FAAH2: variants seen among roughly 807,000 people sequenced by gnomAD.
FAAH2 encodes fatty acid amide hydrolase 2, also known as fatty-acid amide hydrolase 2.
FAAH2 carries 60 observed loss-of-function variants against 36.9 expected under a neutral mutation model. The ratio of observed to expected loss-of-function variants is 1.63; its 90% confidence interval spans 1.32 to 2.02. The LOEUF is 2.02. Ranked by LOEUF, FAAH2 falls within the 30% of genes most tolerant of loss-of-function variation. The probability of loss-of-function intolerance (pLI) is 0.00; values close to 1 mark genes in which losing one functional copy is unlikely to be tolerated. For synonymous variants in FAAH2, 214 were observed against 143.8 expected, an observed-to-expected ratio of 1.49 and a Z score of -3.49; for missense variants, 689 against 397.5, an observed-to-expected ratio of 1.73 and a Z score of -6.23.
intron 10 of FAAH2, among the ~76,000 whole-genome samples, chrX:57,467,774 A>G (rs1360946010): frequency 9.0e-6 from 1 of 111,682 alleles, no homozygotes; most frequent in East Asian, 2.8e-4. Flanking sequence ...GCACAGTTTG[A>G]GATCTGAAAA....
intron 7 of FAAH2, among the ~76,000 whole-genome samples, chrX:57,431,138 A>T (rs1328730118): frequency 9.0e-6 from 1 of 111,632 alleles, no homozygotes; most frequent in Non-Finnish European, 1.9e-5. Flanking sequence ...TGTTTCTTCC[A>T]CAATTATCCA....
chrX:57,444,995 T>G (rs1403229130), intron 8 of FAAH2, among the ~76,000 whole-genome samples: 1 of 111,772 alleles, frequency 8.9e-6, no homozygotes, highest in Non-Finnish European at 1.9e-5. Flanking sequence ...GTGCCTTATT[T>G]AGTTTATTTG....
chrX:57,335,705 C>T (rs1310342122), intron 4 of FAAH2, among the ~76,000 whole-genome samples: 1 of 111,435 alleles, frequency 9.0e-6, no homozygotes, highest in East Asian at 2.9e-4. Context: ...AGACCGTTTA[C>T]GGGTGTTGGG....
At chrX:57,208,661 T>C in the FAAH2 span, among the ~76,000 whole-genome samples, 1 of 111,682 alleles carries the variant, frequency 9.0e-6, no homozygotes, top group Admixed American at 9.5e-5. Context: ...CCTTCAGAGC[T>C]GAGAGCCCTG....
At chrX:57,168,256 G>A in the FAAH2 span, among the ~76,000 whole-genome samples, 1 of 109,981 alleles carries the variant, frequency 9.1e-6, no homozygotes, top group South Asian at 3.9e-4. Flanking sequence ...GTTTTTCCAA[G>A]GATCCCTGGT....
intron 2 of FAAH2, among the ~76,000 whole-genome samples, chrX:57,307,005 A>G (rs2052560322): frequency 1.6e-5 from 1 of 60,910 alleles, no homozygotes; most frequent in African/African-American, 4.5e-5. Flanking sequence ...ATACATATAT[A>G]TATATATATA....
At chrX:57,427,024 A>T (rs1282917029) in intron 7 of FAAH2, among the ~76,000 whole-genome samples, 1 of 111,470 alleles carries the variant, frequency 9.0e-6, no homozygotes, top group Non-Finnish European at 1.9e-5. Flanking sequence ...AAGAGAGATG[A>T]TTCAGATAAA....
Position 57,341,266 on chromosome X carries a change from T to C in FAAH2, c.623-5T>C. On this transcript the variant is annotated splice_region_variant and splice_polypyrimidine_tract_variant and intron_variant, in intron 4 of 10. Transcript: ENST00000374900. Reference sequence around the variant, plus strand: ...TTATTTGCAAGTATTTTGTGTTTCTTGTAGGTGGTGAGGGCTGCACACTGG... The same window carrying C: ...TTATTTGCAAGTATTTTGTGTTTCTCGTAGGTGGTGAGGGCTGCACACTGG... 1 of 1,199,932 alleles carries C rather than the reference T, an allele frequency of 8.3e-7. No homozygotes were observed.
the FAAH2 span, among the ~76,000 whole-genome samples, chrX:57,260,063 C>T: frequency 9.0e-6 from 1 of 111,608 alleles, no homozygotes; most frequent in South Asian, 3.7e-4. Context: ...TGTAATATAA[C>T]TTCAAACAAT....
intron 7 of FAAH2, chrX:57,394,154 T>C (rs1384644066): frequency 1.5e-6 from 1 of 667,007 alleles, no homozygotes; most frequent in African/African-American, 2.2e-5. Context: ...AGGAATGACC[T>C]GGGAGTAGCC....
chrX:57,122,540 G>A, the FAAH2 span, among the ~76,000 whole-genome samples: 1 of 111,997 alleles, frequency 8.9e-6, no homozygotes. Context: ...GAGAAACGTT[G>A]GGTATTCTTT....
At chrX:57,394,513 G>T in intron 7 of FAAH2, 1 of 1,207,306 alleles carries the variant, frequency 8.3e-7, no homozygotes, top group Non-Finnish European at 1.1e-6. Context: ...GTGTCTTGAG[G>T]TTAAGGTTGT....
At chrX:57,400,410 T>C (rs146029896) in intron 7 of FAAH2, among the ~76,000 whole-genome samples, 70 of 112,472 alleles carry the variant, frequency 6.2e-4, no homozygotes, top group East Asian at 4.8e-3. Context: ...TAAGGACTCC[T>C]AGAGCTATTC....
Position 57,286,954 on chromosome X carries a change from G to A in FAAH2, c.129G>A (p.Pro43=). The stretch of plus-strand genomic sequence containing the variant: ...AGTTTGCCTCAAAGACCCCTCGGCC[G>A]GTGACTGAACCATTGCTTCTGCTTT... ...GPKFASKTPR[P]VTEPLLLLSG... The change falls in exon 1 of 11, where the codon CCG becomes CCA. Residue 43 remains proline (P), a synonymous_variant. Coordinates refer to ENST00000374900, the MANE Select transcript of FAAH2 (RefSeq NM_174912.4). 3 of 1,203,052 alleles carry A rather than the reference G, an allele frequency of 2.5e-6. No homozygotes were observed. The highest frequency in any genetic ancestry group is 2.4e-4 in the Middle Eastern group (1 of 4,100).
the FAAH2 span, among the ~76,000 whole-genome samples, chrX:57,250,767 A>G: frequency 3.6e-5 from 4 of 110,760 alleles, no homozygotes; most frequent in Non-Finnish European, 7.6e-5. Flanking sequence ...GAAGAAATAA[A>G]AAAAAAACTA....
At chrX:57,178,633 A>G in the FAAH2 span, among the ~76,000 whole-genome samples, 7 of 111,945 alleles carry the variant, frequency 6.3e-5, no homozygotes, top group Non-Finnish European at 1.1e-4. Context: ...AGCAGCTTCA[A>G]TGGGAATCAG....
In FAAH2 at chrX:57,341,231, A is replaced by G. The variant is rs1602335215; in HGVS notation, c.623-40A>G. 3 of 1,179,207 alleles carry G rather than the reference A, an allele frequency of 2.5e-6. No individual in the cohort carries two copies. The East Asian group carries it at 9.1e-5, about 36-fold the overall frequency. On this transcript the variant is annotated intron_variant, in intron 4 of 10. Coordinates refer to ENST00000374900, the MANE Select transcript of FAAH2 (RefSeq NM_174912.4). ...AAAAGATATTCCATGCAAATAGTATATTAGATTATTTATTTGCAAGTATTT... is the reference window on the plus strand; with the variant it reads ...AAAAGATATTCCATGCAAATAGTATGTTAGATTATTTATTTGCAAGTATTT...
rs377223108 is a variant in FAAH2 at position 57,372,351 on chromosome X, T to A, written c.743-6300T>A. ...TTAATAATAGCCATTCTGACTGGTG[T>A]GAGATGGTATTTCTTGGTGGTTTTA... On this transcript the variant is annotated intron_variant, in intron 5 of 10. Transcript: ENST00000374900. Among the ~76,000 whole-genome samples the A allele has an allele frequency of 9.9e-5, 11 of 111,126 alleles. No individual in the cohort carries two copies. In the East Asian group the frequency reaches 2.5e-3, roughly 26 times the overall value.
At chrX:57,272,443 A>G in the FAAH2 span, among the ~76,000 whole-genome samples, 1 of 111,558 alleles carries the variant, frequency 9.0e-6, no homozygotes, top group South Asian at 3.8e-4. Context: ...CAACCCCAAG[A>G]CACATAATTG....
Sources: allele counts gnomAD v4.1 joint callset (sites outside exome capture counted in the v4.1 genomes callset), GRCh38; gene constraint gnomAD v4.1.1; transcripts MANE v1.5; gene names NCBI Gene and HGNC (gene_info 2026-07-23, HGNC 2026-07-21).